Variants in FAM24B observed in about 807,000 individuals in gnomAD.
FAM24B encodes family with sequence similarity 24 member B, also known as protein FAM24B.
In FAM24B, 3 loss-of-function variants were observed where a neutral mutation model predicts 2.3. The ratio of observed to expected loss-of-function variants is 1.29; its 90% CI spans 0.59 to 3.32. FAM24B has a LOEUF of 3.32. Ranked by LOEUF, FAM24B falls within the 30% of genes most tolerant of loss-of-function variation. FAM24B has a pLI of 0.03. For missense variants in FAM24B, 98 were observed against 117.2 expected (o/e 0.84, Z 0.76); for synonymous variants, 36 against 46.3 (o/e 0.78, Z 0.90).
chr10:122,874,305 C>A (rs58763879), intron 1 of FAM24B, among the ~76,000 whole-genome samples: 1,667 of 152,288 alleles, frequency 0.011, 30 homozygotes, highest in African/African-American at 0.038. Flanking sequence ...TTGTTAGGTA[C>A]ATATACATTA....
At chr10:122,863,379 T>C (rs1042942259) in intron 1 of FAM24B, among the ~76,000 whole-genome samples, 14 of 152,144 alleles carry the variant, frequency 9.2e-5, no homozygotes, top group African/African-American at 3.1e-4. Flanking sequence ...GGTTAGGAAT[T>C]TGTCCAAGGC....
chr10:122,852,642 G>C (rs1286044758), intron 2 of FAM24B, among the ~76,000 whole-genome samples: 1 of 152,200 alleles, frequency 6.6e-6, no homozygotes, highest in Non-Finnish European at 1.5e-5. Context: ...TATTGAGTCA[G>C]AGAAGAAATC....
intron 1 of FAM24B, among the ~76,000 whole-genome samples, chr10:122,866,470 A>G (rs144104909): frequency 1.3e-3 from 195 of 151,986 alleles, no homozygotes; most frequent in African/African-American, 4.1e-3. Context: ...CCTCATAGAT[A>G]CCGCATTTTT....
chr10:122,858,875 G>A (rs1847683586), intron 1 of FAM24B, among the ~76,000 whole-genome samples: 1 of 152,314 alleles, frequency 6.6e-6, no homozygotes, highest in Non-Finnish European at 1.5e-5. Flanking sequence ...TGGCAGTTAT[G>A]CAACAGACTT....
intron 1 of FAM24B, among the ~76,000 whole-genome samples, chr10:122,866,204 C>CT (rs1177390440): frequency 2.0e-5 from 3 of 152,040 alleles, no homozygotes; most frequent in African/African-American, 7.2e-5. Context: ...ACCCGACCTC[C>CT]TTTTTTATCC....
chr10:122,857,683 T>C (rs983472336), intron 1 of FAM24B, among the ~76,000 whole-genome samples: 2 of 152,236 alleles, frequency 1.3e-5, no homozygotes, highest in Non-Finnish European at 2.9e-5. Flanking sequence ...TTCTCTAGTT[T>C]TGTCATTTTC....
intron 1 of FAM24B, among the ~76,000 whole-genome samples, chr10:122,867,504 C>T (rs903711535): frequency 1.1e-4 from 17 of 152,224 alleles, no homozygotes; most frequent in African/African-American, 4.1e-4. Flanking sequence ...TCAAGTGGGT[C>T]CCTGACCCCT....
intron 2 of FAM24B, among the ~76,000 whole-genome samples, chr10:122,854,902 G>A (rs993060595): frequency 5.3e-5 from 8 of 152,138 alleles, no homozygotes; most frequent in African/African-American, 1.2e-4. Context: ...CAAACACCCC[G>A]ATGCCTGCTA....
intron 2 of FAM24B, 151 bp from the exon 3 acceptor site, chr10:122,850,701 G>A: frequency 3.7e-6 from 2 of 534,850 alleles, no homozygotes; most frequent in South Asian, 2.9e-5. Context: ...GGGCGGCCTA[G>A]GATCCCAAGC....
Position 122,849,207 on chromosome 10 carries a change from A to T in FAM24B, c.*40T>A. 7.1e-7 allele frequency: 1 copy of T among 1,412,442 alleles called. No homozygotes were observed. The highest frequency in any genetic ancestry group is 9.5e-7 in the Non-Finnish European group (1 of 1,047,368). 87.5% of individuals were successfully genotyped at this position (1,412,442 alleles called of 1,614,324 possible). A position where few individuals can be genotyped will look rare whatever the true frequency, so the allele number is the denominator to read the frequency against. ...TGAATAACAAAACAATCTACTAAGA[A>T]GTATTGCTCATGAAGATTTTTGTGC... is the stretch of plus-strand genomic sequence containing the variant. On this transcript the variant is annotated 3_prime_UTR_variant, in exon 4 of 4. Coordinates refer to ENST00000368898, the MANE Select transcript of FAM24B (RefSeq NM_152644.3).
intron 3 of FAM24B, among the ~76,000 whole-genome samples, chr10:122,849,658 G>A (rs1847493866): frequency 6.6e-6 from 1 of 151,992 alleles, no homozygotes; most frequent in Non-Finnish European, 1.5e-5. Context: ...AAGCAAGAGT[G>A]AGTGATTTTG....
At chr10:122,876,541 C>T (rs188570446) in intron 1 of FAM24B, among the ~76,000 whole-genome samples, 1 of 152,306 alleles carries the variant, frequency 6.6e-6, no homozygotes, top group Non-Finnish European at 1.5e-5. Context: ...TGAGTGGTCT[C>T]CCAGGAGTTT....
At chr10:122,878,258 T>C (rs1162365003) in intron 1 of FAM24B, among the ~76,000 whole-genome samples, 1 of 152,092 alleles carries the variant, frequency 6.6e-6, no homozygotes, top group Non-Finnish European at 1.5e-5. Context: ...GGTGGCCAGG[T>C]GCGGTGGCTC....
chr10:122,850,789 G>C, intron 2 of FAM24B: 1 of 389,686 alleles, frequency 2.6e-6, no homozygotes, highest in Non-Finnish European at 4.8e-6. Flanking sequence ...AGTCCAGAGA[G>C]AAGGCTATCA....
chr10:122,861,238 C>T (rs544051385), intron 1 of FAM24B, among the ~76,000 whole-genome samples: 102 of 152,126 alleles, frequency 6.7e-4, no homozygotes, highest in African/African-American at 2.2e-3. Flanking sequence ...TTTTGGTGCA[C>T]GAACATCCAA....
intron 1 of FAM24B, among the ~76,000 whole-genome samples, chr10:122,859,021 C>T (rs952095269): frequency 6.6e-6 from 1 of 152,178 alleles, no homozygotes; most frequent in Non-Finnish European, 1.5e-5. Context: ...GGAAACTAGG[C>T]TCCCACAGAA....
chr10:122,870,250 T>G (rs1847871429), intron 1 of FAM24B, among the ~76,000 whole-genome samples: 1 of 152,084 alleles, frequency 6.6e-6, no homozygotes, highest in African/African-American at 2.4e-5. Flanking sequence ...AAGTTGAATC[T>G]CTGAATAGAC....
At chr10:122,851,832 A>T (rs80164315) in intron 2 of FAM24B, among the ~76,000 whole-genome samples, 1,543 of 152,346 alleles carry the variant, frequency 0.01, 24 homozygotes, top group African/African-American at 0.035. Flanking sequence ...GTTCAAAGGA[A>T]TCCATGTCCA....
At chr10:122,853,206 A>G (rs1477515099) in intron 2 of FAM24B, among the ~76,000 whole-genome samples, 1 of 152,132 alleles carries the variant, frequency 6.6e-6, no homozygotes. Context: ...GAAGTCCCCT[A>G]TATGGGAAAT....
Sources: gnomAD v4.1 joint callset for allele counts (sites outside exome capture counted in the v4.1 genomes callset) on GRCh38, gnomAD v4.1.1 for gene constraint, MANE v1.5 for transcripts, NCBI Gene and HGNC (gene_info 2026-07-23, HGNC 2026-07-21) for gene names.